Variants in ADGRB3 observed in about 807,000 individuals in gnomAD.
ADGRB3 encodes brain-specific angiogenesis inhibitor 3.
Under a neutral mutation model 193.4 loss-of-function variants are expected in ADGRB3, and 37 were observed. The observed-to-expected ratio is 0.19, with a 90% CI of 0.15 to 0.25. The LOEUF (loss-of-function observed/expected upper bound fraction) is 0.25. ADGRB3 is among the 10% of genes least tolerant of loss of function. ADGRB3 has a pLI of 1.00. For missense variants in ADGRB3, 1,637 were observed against 1,852.9 expected (o/e 0.88, Z 2.14); for synonymous variants, 690 against 644.2 (o/e 1.07, Z -1.08).
intron 3 of ADGRB3, among the ~76,000 whole-genome samples, chr6:68,885,752 CCTGGGTATCCA>C (rs922138201): frequency 6.6e-6 from 1 of 152,036 alleles, no homozygotes; most frequent in African/African-American, 2.4e-5. Context: ...CTTTGTGGGT[CCTGGGTATCCA>C]CTGTAGACTT....
intron 17 of ADGRB3, among the ~76,000 whole-genome samples, chr6:69,201,783 T>A (rs1275952524): frequency 3.9e-5 from 6 of 152,102 alleles, no homozygotes; most frequent in African/African-American, 1.4e-4. Flanking sequence ...ATGACCCTAT[T>A]TCCTCCCTGA....
At chr6:68,854,453 C>A (rs1764900087) in intron 3 of ADGRB3, among the ~76,000 whole-genome samples, 1 of 152,074 alleles carries the variant, frequency 6.6e-6, no homozygotes, top group African/African-American at 2.4e-5. Context: ...TTTAACCATT[C>A]TACAATGTAT....
chr6:69,228,692 C>G (rs559363306), intron 17 of ADGRB3, among the ~76,000 whole-genome samples: 44 of 152,252 alleles, frequency 2.9e-4, no homozygotes, highest in African/African-American at 1.1e-3. Flanking sequence ...GTTGGTGTTA[C>G]TCTTTTTATC....
chr6:69,080,442 T>A (rs1772354525), intron 17 of ADGRB3, among the ~76,000 whole-genome samples: 1 of 151,842 alleles, frequency 6.6e-6, no homozygotes, highest in South Asian at 2.1e-4. Context: ...CAAACTAAGA[T>A]GAACAGAAAA....
At chr6:68,840,725 A>G (rs1025208946) in intron 3 of ADGRB3, among the ~76,000 whole-genome samples, 2 of 152,062 alleles carry the variant, frequency 1.3e-5, no homozygotes, top group African/African-American at 4.8e-5. Context: ...GAAATTAATA[A>G]CAAAAAGGCA....
chr6:69,358,215 A>G (rs1025712325), intron 28 of ADGRB3, among the ~76,000 whole-genome samples: 10 of 152,002 alleles, frequency 6.6e-5, no homozygotes, highest in African/African-American at 2.4e-4. Context: ...TGTTATCATC[A>G]CCTGAGAACT....
chr6:69,207,260 C>G (rs899778868), intron 17 of ADGRB3, among the ~76,000 whole-genome samples: 1 of 152,146 alleles, frequency 6.6e-6, no homozygotes, highest in Admixed American at 6.6e-5. Flanking sequence ...GCTAGTGGAT[C>G]ACTAGGGGAG....
intron 3 of ADGRB3, among the ~76,000 whole-genome samples, chr6:68,928,923 T>C (rs149625202): frequency 8.0e-4 from 122 of 152,346 alleles, no homozygotes; most frequent in African/African-American, 2.8e-3. Flanking sequence ...TCCAGAAACA[T>C]TCTAATTGCA....
chr6:68,887,299 G>A lies in ADGRB3; in HGVS notation c.758-43260G>A, dbSNP rs540947764. Among the ~76,000 whole-genome samples, 5 of 151,896 alleles carry A rather than the reference G, an allele frequency of 3.3e-5. No individual in the cohort carries two copies. The South Asian group carries it at 6.2e-4, about 19-fold the overall frequency. On this transcript the variant is annotated intron_variant, in intron 3 of 31. Transcript: ENST00000370598. Reference sequence around the variant, plus strand: ...AAAAAATGGGCTTAACCATTGATACGTATCCTTGCAGTCTATTAGCTAGTA... The same window carrying A: ...AAAAAATGGGCTTAACCATTGATACATATCCTTGCAGTCTATTAGCTAGTA...
At chr6:68,703,111 T>G (rs752303972) in intron 3 of ADGRB3, among the ~76,000 whole-genome samples, 8 of 152,296 alleles carry the variant, frequency 5.3e-5, no homozygotes, top group Non-Finnish European at 1.2e-4. Context: ...TGGTAAAATG[T>G]TAGTAGTAAA....
intron 13 of ADGRB3, among the ~76,000 whole-genome samples, chr6:69,025,091 C>CA (rs66494212): frequency 8.5e-5 from 12 of 141,454 alleles, no homozygotes; most frequent in African/African-American, 2.9e-4. Flanking sequence ...GACTCCGTCT[C>CA]AAAAAAAAAA....
At chr6:69,139,311 C>T (rs11759629) in intron 17 of ADGRB3, among the ~76,000 whole-genome samples, 18,904 of 152,154 alleles carry the variant, frequency 0.12, 1,243 homozygotes, top group Middle Eastern at 0.29. Flanking sequence ...CAATAAATGC[C>T]TGTGTGACTC....
Position 69,376,044 on chromosome 6 carries a change from A to T in ADGRB3, c.4275+3603A>T, listed in dbSNP as rs559410366. 3.3e-5 allele frequency among the ~76,000 whole-genome samples: 5 copies of T among 150,482 alleles called. No individual in the cohort carries two copies. In the East Asian group the frequency reaches 7.9e-4, roughly 24 times the overall value. On this transcript the variant is annotated intron_variant, in intron 30 of 31. Coordinates refer to ENST00000370598, the MANE Select transcript of ADGRB3 (RefSeq NM_001704.3). ...AATCTTCACTTCCAAAAATGCAGAG[A>T]TAAAAATTTTCACAGTTTTCCATGA... is the stretch of plus-strand genomic sequence containing the variant.
At position 69,311,343 on chromosome 6, in the gene ADGRB3, G is replaced by A. The variant is rs76837892; in HGVS notation, c.2815-13529G>A. On this transcript the variant is annotated intron_variant, in intron 20 of 31. Transcript: ENST00000370598. Reference sequence around the variant, plus strand: ...ACAGCAAAACCAGTATTTCTGTATCGTTGCAGAGGACTGGAATATGTGGTT... The same window carrying A: ...ACAGCAAAACCAGTATTTCTGTATCATTGCAGAGGACTGGAATATGTGGTT... Among the ~76,000 whole-genome samples the A allele has an allele frequency of 4.0e-4, 60 of 151,846 alleles. No individual in the cohort carries two copies. In the East Asian group the frequency reaches 6.4e-3, roughly 16 times the overall value.
chr6:68,914,001 T>C (rs1210297498), intron 3 of ADGRB3, among the ~76,000 whole-genome samples: 6 of 150,516 alleles, frequency 4.0e-5, no homozygotes, highest in African/African-American at 1.5e-4. Context: ...GAAAAAAGAA[T>C]AAAAAGAAAC....
At chr6:69,253,381 G>A (rs186715675) in intron 20 of ADGRB3, among the ~76,000 whole-genome samples, 1 of 152,080 alleles carries the variant, frequency 6.6e-6, no homozygotes, top group East Asian at 1.9e-4. Flanking sequence ...TATATTGATT[G>A]AATCTTCAGG....
intron 8 of ADGRB3, among the ~76,000 whole-genome samples, chr6:68,963,123 C>T (rs1768280375): frequency 6.6e-6 from 1 of 152,180 alleles, no homozygotes; most frequent in Admixed American, 6.5e-5. Context: ...CCTGCTTTCA[C>T]TTCCTCCTGC....
chr6:69,154,484 A>G (rs1774774681), intron 17 of ADGRB3, among the ~76,000 whole-genome samples: 1 of 151,794 alleles, frequency 6.6e-6, no homozygotes, highest in South Asian at 2.1e-4. Flanking sequence ...ACCATTTGCA[A>G]TTTTCCCAAC....
intron 10 of ADGRB3, among the ~76,000 whole-genome samples, chr6:68,977,205 G>T (rs1285219835): frequency 6.6e-6 from 1 of 151,374 alleles, no homozygotes; most frequent in East Asian, 1.9e-4. Flanking sequence ...GTAAGAATAT[G>T]AAATATAAAG....
Sources: allele counts gnomAD v4.1 joint callset (sites outside exome capture counted in the v4.1 genomes callset), GRCh38; gene constraint gnomAD v4.1.1; transcripts MANE v1.5; gene names NCBI Gene and HGNC (gene_info 2026-07-23, HGNC 2026-07-21).